The following E2F3 variants were observed in gnomAD, a reference collection of about 807,000 sequenced individuals.
E2F3 encodes the protein E2F transcription factor 3.
Under a neutral mutation model 44.4 loss-of-function variants are expected in E2F3, and 11 were observed. The observed-to-expected ratio is 0.25, with a 90% CI of 0.16 to 0.41. The LOEUF (loss-of-function observed/expected upper bound fraction) is 0.41. Ranked by LOEUF, E2F3 falls within the 10% of genes least tolerant of loss-of-function variation. The probability of loss-of-function intolerance (pLI) is 1.00; values close to 1 mark genes in which losing one functional copy is unlikely to be tolerated. For synonymous variants in E2F3, 249 were observed against 253.0 expected (o/e 0.98, Z 0.15); for missense variants, 487 against 583.6 (o/e 0.83, Z 1.70).
At chr6:20,434,010 A>G (rs1760493783) in intron 1 of E2F3, among the ~76,000 whole-genome samples, 1 of 152,202 alleles carries the variant, frequency 6.6e-6, no homozygotes, top group African/African-American at 2.4e-5. Context: ...TGAGAGAGAT[A>G]CTTTTTTCAT....
chr6:20,412,183 A>G (rs1445151176), intron 1 of E2F3, among the ~76,000 whole-genome samples: 2 of 152,206 alleles, frequency 1.3e-5, no homozygotes, highest in Non-Finnish European at 2.9e-5. Context: ...GTCGACAGAA[A>G]GTGCCAGAGG....
chr6:20,404,009 C>T (rs1759405415), intron 1 of E2F3, among the ~76,000 whole-genome samples: 1 of 152,114 alleles, frequency 6.6e-6, no homozygotes, highest in African/African-American at 2.4e-5. Flanking sequence ...CCCCGGCCTC[C>T]GGTTCTAGGA....
At chr6:20,403,600 A>G (rs897575639) in intron 1 of E2F3, 3 of 455,348 alleles carry the variant, frequency 6.6e-6, no homozygotes, top group Non-Finnish European at 7.8e-6. Flanking sequence ...CTGGAGGGGG[A>G]GAGGGGGGCA....
intron 1 of E2F3, among the ~76,000 whole-genome samples, chr6:20,467,535 C>T (rs935984716): frequency 6.6e-6 from 1 of 152,114 alleles, no homozygotes; most frequent in Non-Finnish European, 1.5e-5. Context: ...TTGCCCTTTC[C>T]TGACACTGCC....
chr6:20,487,890 A>G (rs1216098409), intron 5 of E2F3, among the ~76,000 whole-genome samples: 1 of 152,168 alleles, frequency 6.6e-6, no homozygotes, highest in Admixed American at 6.5e-5. Context: ...CTTCCAATAA[A>G]ACTTTATTTA....
At chr6:20,434,649 T>C (rs919746649) in intron 1 of E2F3, among the ~76,000 whole-genome samples, 3 of 152,216 alleles carry the variant, frequency 2.0e-5, no homozygotes, top group Non-Finnish European at 4.4e-5. Context: ...AGGTGCCTTA[T>C]TAAGTTTAAC....
At chr6:20,413,300 T>A (rs964015299) in intron 1 of E2F3, among the ~76,000 whole-genome samples, 2 of 152,148 alleles carry the variant, frequency 1.3e-5, no homozygotes, top group African/African-American at 4.8e-5. Context: ...AGCCCTAAGA[T>A]CTTCTGATGA....
chr6:20,424,494 C>A (rs1760145103), intron 1 of E2F3, among the ~76,000 whole-genome samples: 1 of 151,860 alleles, frequency 6.6e-6, no homozygotes, highest in Admixed American at 6.6e-5. Context: ...TCCATTGATA[C>A]CTTTATCCCT....
intron 1 of E2F3, among the ~76,000 whole-genome samples, chr6:20,420,749 ACTGTTG>A (rs1454705402): frequency 6.6e-6 from 1 of 152,202 alleles, no homozygotes; most frequent in Non-Finnish European, 1.5e-5. Flanking sequence ...CACACTGAAG[ACTGTTG>A]CTGTTTAGGG....
At chr6:20,440,797 T>G (rs1457012825) in intron 1 of E2F3, among the ~76,000 whole-genome samples, 1 of 152,168 alleles carries the variant, frequency 6.6e-6, no homozygotes, top group East Asian at 1.9e-4. Flanking sequence ...GTTTCCAGAT[T>G]TATTTGAGCC....
intron 1 of E2F3, among the ~76,000 whole-genome samples, chr6:20,405,392 G>A (rs1033495348): frequency 2.1e-5 from 3 of 141,778 alleles, no homozygotes; most frequent in Admixed American, 7.5e-5. Context: ...TGTCGCCCAG[G>A]CTGGAGTGCA....
At chr6:20,457,692 GC>G (rs1761357769) in intron 1 of E2F3, among the ~76,000 whole-genome samples, 1 of 152,140 alleles carries the variant, frequency 6.6e-6, no homozygotes, top group African/African-American at 2.4e-5. Context: ...TTCTGCACGA[GC>G]TAAAATTCCC....
In E2F3 at chr6:20,402,724, G is replaced by T; in HGVS notation, c.393+99G>T. The T allele has an allele frequency of 7.9e-7, 1 of 1,260,430 alleles. No individual in the cohort carries two copies. The highest frequency in any genetic ancestry group is 9.9e-7 in the Non-Finnish European group (1 of 1,005,398). 78.1% of individuals were successfully genotyped at this position (1,260,430 alleles called of 1,614,324 possible). ...CTGCGGGCCGCTCGGGGAGAGCACTGGGCCGAGCATCGTGGGCCTCGGGGG... is the reference window on the plus strand; with the variant it reads ...CTGCGGGCCGCTCGGGGAGAGCACTTGGCCGAGCATCGTGGGCCTCGGGGG... On this transcript the variant is annotated intron_variant, in intron 1 of 6. Transcript: ENST00000346618. This position sits in a 1 kb window ranked among gnomAD's most constrained non-coding sequence, Gnocchi z 5.6.
intron 1 of E2F3, chr6:20,403,904 T>G: frequency 3.1e-6 from 3 of 980,354 alleles, no homozygotes; most frequent in Non-Finnish European, 4.4e-6. Context: ...GCTGAAGCGG[T>G]GAGGGTAGGC....
At chr6:20,437,426 C>A (rs1760624425) in intron 1 of E2F3, among the ~76,000 whole-genome samples, 1 of 151,664 alleles carries the variant, frequency 6.6e-6, no homozygotes, top group Non-Finnish European at 1.5e-5. Flanking sequence ...AGCATAGTAA[C>A]CTATAGAAAA....
In E2F3 at chr6:20,492,172, A is replaced by G. The variant is rs1007550693; in HGVS notation, c.*1742A>G. 8 of 226,902 alleles carry G rather than the reference A, an allele frequency of 3.5e-5. No individual in the cohort carries two copies. The highest frequency in any genetic ancestry group is 1.3e-3 in the Middle Eastern group (1 of 778). 14.1% of individuals were successfully genotyped at this position (226,902 alleles called of 1,614,324 possible). On this transcript the variant is annotated 3_prime_UTR_variant, in exon 7 of 7. Coordinates refer to ENST00000346618, the MANE Select transcript of E2F3 (RefSeq NM_001949.5). ...AGGAAAAAAAAAAAACACACAAAAA[A>G]CCACAAGAGCCCCAGCCAGTTTACT...
At chr6:20,417,705 A>C (rs767253899) in intron 1 of E2F3, among the ~76,000 whole-genome samples, 1 of 152,176 alleles carries the variant, frequency 6.6e-6, no homozygotes, top group Non-Finnish European at 1.5e-5. Flanking sequence ...GCTGTCATTT[A>C]ATTCACAAAC....
intron 4 of E2F3, among the ~76,000 whole-genome samples, chr6:20,484,716 T>C (rs759507005): frequency 1.3e-5 from 2 of 152,242 alleles, no homozygotes; most frequent in African/African-American, 2.4e-5. Context: ...ATAGATCCCC[T>C]ACATGTGTAT....
Position 20,481,439 on chromosome 6 carries a change from C to G in E2F3, c.725+14C>G, listed in dbSNP as rs1040134278. ...CGTCCAATGGATGTGAGTAGGAGTCCTCCCCATGCCCCGGCTCTGAGGGGG... is the reference window on the plus strand; with the variant it reads ...CGTCCAATGGATGTGAGTAGGAGTCGTCCCCATGCCCCGGCTCTGAGGGGG... On this transcript the variant is annotated intron_variant, in intron 3 of 6. Transcript: ENST00000346618. 2.5e-6 allele frequency: 4 copies of G among 1,612,250 alleles called. No homozygotes were observed. In the African/African-American group the frequency reaches 5.3e-5, roughly 22 times the overall value.
Sources: gnomAD v4.1 joint callset for allele counts (sites outside exome capture counted in the v4.1 genomes callset) on GRCh38, gnomAD v4.1.1 for gene constraint, Gnocchi (gnomAD v3.1) non-coding constraint, MANE v1.5 for transcripts, NCBI Gene and HGNC (gene_info 2026-07-23, HGNC 2026-07-21) for gene names.